TRPC3: variants seen among roughly 807,000 people sequenced by gnomAD.
TRPC3 encodes short transient receptor potential channel 3.
In TRPC3, 54 loss-of-function variants were observed where a neutral mutation model predicts 90.9. That is an observed-to-expected ratio of 0.59 (90% CI 0.48 to 0.75). The LOEUF (loss-of-function observed/expected upper bound fraction) is 0.75, where lower values mean the gene tolerates loss of function less well. TRPC3 is among the 30% of genes least tolerant of loss of function. TRPC3 has a pLI of 0.00. For missense variants in TRPC3, 918 were observed against 1,194.5 expected, an observed-to-expected ratio of 0.77 and a Z score of 3.41; for synonymous variants, 424 against 450.9, an observed-to-expected ratio of 0.94 and a Z score of 0.75.
rs780866260 is a variant in TRPC3 at position 121,932,480 on chromosome 4, C to T, written c.778G>A (p.Glu260Lys). 2.5e-6 allele frequency: 4 copies of T among 1,614,090 alleles called. No homozygotes were observed. Among genetic ancestry groups the T allele is most frequent in the Non-Finnish European group, 3.4e-6 (4 of 1,180,050 alleles). Reference protein sequence around the residue: ...HMLLMKGARIERPHDYFCKCG... With the variant: ...HMLLMKGARIKRPHDYFCKCG... ...TTGCAGAAATAGTCGTGCGGCCGCT[C>T]GATCCTGGCACCCTTCATCAGCAGC... Residue 260 changes from glutamate (E) to lysine (K), a missense_variant, in exon 2 of 12, where the codon GAG (glutamate) becomes AAG (lysine). Transcript: ENST00000379645. This position sits in a 1 kb window ranked among gnomAD's most constrained non-coding sequence, Gnocchi z 7.7.
intron 10 of TRPC3, among the ~76,000 whole-genome samples, chr4:121,894,591 T>G (rs895308705): frequency 8.0e-6 from 1 of 124,516 alleles, no homozygotes; most frequent in African/African-American, 3.0e-5. Flanking sequence ...TGAGACAGTG[T>G]CTCACTCTGT....
At chr4:121,938,460 A>T (rs949413125) in intron 1 of TRPC3, among the ~76,000 whole-genome samples, 1 of 152,178 alleles carries the variant, frequency 6.6e-6, no homozygotes, top group African/African-American at 2.4e-5. Context: ...CATTGCCAGC[A>T]CCAGCCTCCA....
chr4:121,933,014 G>T lies in TRPC3; in HGVS notation c.244C>A (p.Arg82Ser). Residue 82 changes from arginine (R) to serine (S), a missense_variant, in exon 2 of 12, where the codon CGC becomes AGC. By Grantham distance (110) the Arg-to-Ser change is moderately radical. Coordinates refer to ENST00000379645, the MANE Select transcript of TRPC3 (RefSeq NM_001130698.2). The part of the protein sequence containing the change: ...LSMEGSPSLR[R>S]MTVMREKGRR... ...CCCTTCTCCCGCATCACTGTCATGC[G>T]TCTCAGGGATGGGCTTCCCTCCATG... 2 of 1,597,514 alleles carry T rather than the reference G, an allele frequency of 1.3e-6. No homozygotes were observed. The highest frequency in any genetic ancestry group is 1.7e-6 in the Non-Finnish European group (2 of 1,170,468).
intron 11 of TRPC3, among the ~76,000 whole-genome samples, chr4:121,880,306 A>G (rs1727896017): frequency 2.0e-5 from 3 of 152,220 alleles, no homozygotes; most frequent in Admixed American, 6.5e-5. Context: ...TTTACTAAAA[A>G]TGAATCAATC....
intron 4 of TRPC3, among the ~76,000 whole-genome samples, 153 bp from the exon 5 acceptor site, chr4:121,912,246 T>C (rs906494): frequency 0.28 from 42,768 of 152,074 alleles, 6,418 homozygotes; most frequent in East Asian, 0.4. Flanking sequence ...AAATATTCTT[T>C]TTTAGGGGAA....
At position 121,879,340 on chromosome 4, in the gene TRPC3, A is replaced by T. The variant is rs1394099372; in HGVS notation, c.*396T>A. ...GGCAGTTCAGTTGGTTTCAACATTT[A>T]TTGAGCACCTACTATATACCAGGCA... On this transcript the variant is annotated 3_prime_UTR_variant, in exon 12 of 12. Coordinates refer to ENST00000379645, the MANE Select transcript of TRPC3 (RefSeq NM_001130698.2). 2 of 155,190 alleles carry T rather than the reference A, an allele frequency of 1.3e-5. No individual in the cohort carries two copies. Among genetic ancestry groups the T allele is most frequent in the Non-Finnish European group, 2.8e-5 (2 of 70,218 alleles). The allele number at this position is 155,190 out of a possible 1,614,324, so 9.6% of individuals were successfully genotyped here.
intron 7 of TRPC3, 123 bp downstream of exon 7, chr4:121,907,180 T>C (rs1728909316): frequency 2.1e-6 from 2 of 948,168 alleles, no homozygotes; most frequent in Non-Finnish European, 3.2e-6. Flanking sequence ...TAACTGTTTT[T>C]GATGGATTAT....
rs200700924 is a variant in TRPC3 at position 121,910,344 on chromosome 4, A to C, written c.1602T>G (p.Pro534=). Reference sequence around the variant, plus strand: ...TCCACAACTGCAAAATGTATTCCCTAGGTCCTTCCAGCCAGAGCTCTTTAC... The same window carrying C: ...TCCACAACTGCAAAATGTATTCCCTCGGTCCTTCCAGCCAGAGCTCTTTAC... The part of the protein sequence containing the change: ...SECKELWLEG[P]REYILQLWNV... Residue 534 remains proline, a synonymous_variant, in exon 6 of 12, where the codon CCT becomes CCG. Coordinates refer to ENST00000379645, the MANE Select transcript of TRPC3 (RefSeq NM_001130698.2). The C allele has an allele frequency of 6.2e-7, 1 of 1,613,774 alleles. No homozygotes were observed.
intron 1 of TRPC3, among the ~76,000 whole-genome samples, chr4:121,933,631 T>C (rs1001878257): frequency 9.9e-5 from 15 of 152,146 alleles, no homozygotes; most frequent in Non-Finnish European, 1.9e-4. Context: ...ATTTAAATAC[T>C]TTTTTAGAGA....
intron 1 of TRPC3, among the ~76,000 whole-genome samples, chr4:121,941,853 G>A (rs890119928): frequency 4.6e-5 from 7 of 151,828 alleles, no homozygotes; most frequent in African/African-American, 1.2e-4. Flanking sequence ...AGTGGAGTGG[G>A]GACACTCTGA....
chr4:121,934,224 C>A (rs530468371), intron 1 of TRPC3, among the ~76,000 whole-genome samples: 1 of 152,104 alleles, frequency 6.6e-6, no homozygotes, highest in South Asian at 2.1e-4. Context: ...GGTAGAAAAT[C>A]GAATTTTATG....
intron 10 of TRPC3, among the ~76,000 whole-genome samples, chr4:121,891,476 G>A (rs891930314): frequency 1.3e-5 from 2 of 152,234 alleles, no homozygotes; most frequent in African/African-American, 4.8e-5. Flanking sequence ...TGACAAGGTA[G>A]TGAAGTGGAT....
At position 121,933,037 on chromosome 4, in the gene TRPC3, A is replaced by G. The variant is rs1167593714; in HGVS notation, c.221T>C (p.Met74Thr). ...GCGTCTCAGGGATGGGCTTCCCTCC[A>G]TGGACCTAATCAGTAGCAACGATAA... ...PPFSHGPDLS[M>T]EGSPSLRRMT... Residue 74 changes from methionine to threonine, a missense_variant, in exon 2 of 12, where the codon ATG (methionine) becomes ACG (threonine). This residue lies in a region of TRPC3 where 609 missense variants were observed against 725.9 expected (regional missense o/e 0.84). Transcript: ENST00000379645. 3.8e-6 allele frequency: 6 copies of G among 1,579,380 alleles called. No individual in the cohort carries two copies. The highest frequency in any genetic ancestry group is 5.2e-6 in the Non-Finnish European group (6 of 1,161,600).
At chr4:121,896,819 G>C (rs900267819) in intron 10 of TRPC3, among the ~76,000 whole-genome samples, 6 of 152,028 alleles carry the variant, frequency 3.9e-5, no homozygotes, top group African/African-American at 1.4e-4. Flanking sequence ...AATCATAAAA[G>C]ACCCCAAATA....
At chr4:121,900,563 C>G (rs1728666750) in intron 9 of TRPC3, among the ~76,000 whole-genome samples, 1 of 152,180 alleles carries the variant, frequency 6.6e-6, no homozygotes, top group Non-Finnish European at 1.5e-5. Context: ...AGTTAATTCT[C>G]CAATCGGCCA....
At chr4:121,910,851 A>G (rs1729058127) in intron 5 of TRPC3, among the ~76,000 whole-genome samples, 1 of 152,218 alleles carries the variant, frequency 6.6e-6, no homozygotes, top group Admixed American at 6.5e-5. Flanking sequence ...TTTCCCAATG[A>G]TACTCATATC....
chr4:121,886,728 G>A (rs1197205179), intron 10 of TRPC3, among the ~76,000 whole-genome samples: 1 of 151,680 alleles, frequency 6.6e-6, no homozygotes. Flanking sequence ...TTTTTGAAGA[G>A]GGACCTGCAA....
chr4:121,918,964 C>T (rs1344468684), intron 3 of TRPC3, among the ~76,000 whole-genome samples: 1 of 152,206 alleles, frequency 6.6e-6, no homozygotes, highest in East Asian at 1.9e-4. Flanking sequence ...TGTCACTACA[C>T]CAGTTATGCC....
At chr4:121,905,254 A>T (rs1728839098) in intron 7 of TRPC3, among the ~76,000 whole-genome samples, 1 of 152,170 alleles carries the variant, frequency 6.6e-6, no homozygotes, top group Non-Finnish European at 1.5e-5. Flanking sequence ...GTCTCTGGGA[A>T]CTAAGGATAA....
Sources: gnomAD v4.1 joint callset for allele counts (sites outside exome capture counted in the v4.1 genomes callset) on GRCh38, gnomAD v4.1.1 for gene constraint, gnomAD v4.1.1 regional missense constraint, Gnocchi (gnomAD v3.1) non-coding constraint, MANE v1.5 for transcripts, NCBI Gene and HGNC (gene_info 2026-07-23, HGNC 2026-07-21) for gene names.